DHX34: variants seen among roughly 807,000 people sequenced by gnomAD.
The protein encoded by DHX34 is probable ATP-dependent RNA helicase DHX34.
In DHX34, 96 loss-of-function variants were observed where a neutral mutation model predicts 111.1. The ratio of observed to expected loss-of-function variants is 0.86; its 90% confidence interval spans 0.73 to 1.02. DHX34 has a LOEUF of 1.02. Ranked by LOEUF, DHX34 falls within the 50% of genes least tolerant of loss-of-function variation. The pLI is 0.00. For missense variants in DHX34, 1,560 were observed against 1,579.9 expected, an observed-to-expected ratio of 0.99 and a Z score of 0.21; for synonymous variants, 688 against 670.4, an observed-to-expected ratio of 1.03 and a Z score of -0.41.
chr19:47,358,260 C>G, intron 4 of DHX34, 140 bp downstream of exon 4: 2 of 1,429,388 alleles, frequency 1.4e-6, no homozygotes, highest in Non-Finnish European at 1.8e-6. Context: ...GTGGCAGAGC[C>G]AGGCTGCGAA....
At chr19:47,372,955 C>A in intron 8 of DHX34, 32 bp downstream of exon 8, 1 of 1,370,710 alleles carries the variant, frequency 7.3e-7, no homozygotes, top group South Asian at 1.3e-5. Context: ...CTCTGTCTGT[C>A]ACCCTGCTCA....
At chr19:47,349,731 T>G (rs1599747257) in intron 1 of DHX34, among the ~76,000 whole-genome samples, 1 of 151,664 alleles carries the variant, frequency 6.6e-6, no homozygotes, top group East Asian at 1.9e-4. Context: ...GCCCATGAAC[T>G]TGGGGAGTGG....
intron 7 of DHX34, among the ~76,000 whole-genome samples, chr19:47,371,550 G>T (rs1261773932): frequency 6.6e-6 from 1 of 152,186 alleles, no homozygotes; most frequent in African/African-American, 2.4e-5. Context: ...GCACAGTACA[G>T]CCCCAAGCCC....
intron 5 of DHX34, among the ~76,000 whole-genome samples, chr19:47,362,002 A>G (rs951837549): frequency 6.6e-6 from 1 of 151,794 alleles, no homozygotes; most frequent in South Asian, 2.1e-4. Flanking sequence ...TGTGAGTGAA[A>G]GGCTGGGTGC....
chr19:47,375,598 G>GGGCGCA lies in DHX34; in HGVS notation c.2204_2209dup (p.Arg735_Arg736dup). 1.9e-6 allele frequency: 3 copies of GGGCGCA among 1,547,132 alleles called. No homozygotes were observed. The highest frequency in any genetic ancestry group is 2.6e-6 in the Non-Finnish European group (3 of 1,149,490). ...GAAACGCCAGCACGAGGAGGGCGCG[G>GGGCGCA]GGCGCAGGCGCAAGGTGCTGCGGCT... On this transcript the variant is annotated inframe_insertion, in exon 10 of 17. Transcript: ENST00000328771.
At position 47,379,680 on chromosome 19, in the gene DHX34, A is replaced by C. The variant is rs1439208500; in HGVS notation, c.2707-30A>C. ...CAATAGCGCCCTGCCCCTCCCACCTACTCCCTGTCTTCTGCCCCCTCTCTT... is the reference window on the plus strand; with the variant it reads ...CAATAGCGCCCTGCCCCTCCCACCTCCTCCCTGTCTTCTGCCCCCTCTCTT... On this transcript the variant is annotated intron_variant, in intron 13 of 16. Transcript: ENST00000328771. 3.2e-6 allele frequency: 5 copies of C among 1,570,344 alleles called. No individual in the cohort carries two copies. The Admixed American group carries it at 8.5e-5, about 27-fold the overall frequency.
rs1408739475 is a variant in DHX34 at position 47,372,914 on chromosome 19, C to G, written c.1953C>G (p.Ala651=). The change falls in exon 8 of 17, where the codon GCC becomes GCG. Residue 651 remains alanine (A), a synonymous_variant. Transcript: ENST00000328771. ...TCACGCTCTTCAACGTCTTCAACGCCTGGGTGCAGGTGAGGCTGGTGGTGG... is the reference window on the plus strand; with the variant it reads ...TCACGCTCTTCAACGTCTTCAACGCGTGGGTGCAGGTGAGGCTGGTGGTGG... ...DPFTLFNVFN[A]WVQVKSERSR... The G allele has an allele frequency of 1.9e-6, 3 of 1,599,552 alleles. No individual in the cohort carries two copies. The highest frequency in any genetic ancestry group is 1.3e-5 in the African/African-American group (1 of 74,800).
chr19:47,381,436 C>T (rs1422988600), intron 16 of DHX34, 112 bp downstream of exon 16: 1 of 1,435,380 alleles, frequency 7.0e-7, no homozygotes, highest in Non-Finnish European at 9.3e-7. Context: ...TGACGACCTC[C>T]ACCCGCTGGC....
At chr19:47,377,844 C>T (rs1249733940) in intron 13 of DHX34, among the ~76,000 whole-genome samples, 5 of 151,824 alleles carry the variant, frequency 3.3e-5, no homozygotes, top group South Asian at 4.1e-4. Context: ...AGGCTGAGGC[C>T]GAACTCAGAT....
At chr19:47,373,461 G>C (rs1970032862) in intron 8 of DHX34, 138 bp from the exon 9 acceptor site, 2 of 1,450,016 alleles carry the variant, frequency 1.4e-6, no homozygotes, top group Non-Finnish European at 1.8e-6. Flanking sequence ...ATAGGAGGGG[G>C]CACTGGGGCT....
chr19:47,355,746 G>T (rs147148453), intron 3 of DHX34, among the ~76,000 whole-genome samples: 182 of 152,194 alleles, frequency 1.2e-3, no homozygotes, highest in African/African-American at 4.1e-3. Context: ...CAGCTACTCG[G>T]GAGGCTGAGG....
chr19:47,366,650 G>A (rs1308636272), intron 6 of DHX34, among the ~76,000 whole-genome samples: 2 of 151,872 alleles, frequency 1.3e-5, no homozygotes, highest in African/African-American at 2.4e-5. Context: ...GCGCGATCTC[G>A]GCTTACTGCG....
intron 7 of DHX34, among the ~76,000 whole-genome samples, chr19:47,369,221 C>T (rs1969894504): frequency 1.3e-5 from 2 of 152,154 alleles, no homozygotes; most frequent in Admixed American, 6.6e-5. Context: ...CCATGTTGGT[C>T]AGGCTGATCT....
intron 7 of DHX34, among the ~76,000 whole-genome samples, chr19:47,369,244 C>T (rs1969894941): frequency 6.6e-6 from 1 of 152,018 alleles, no homozygotes; most frequent in Non-Finnish European, 1.5e-5. Context: ...AACTACTGAC[C>T]TCAAGTGTTC....
At chr19:47,373,554 G>T (rs765330591) in intron 8 of DHX34, 45 bp from the exon 9 acceptor site, 1 of 1,594,420 alleles carries the variant, frequency 6.3e-7, no homozygotes, top group Non-Finnish European at 8.5e-7. Context: ...CTCCCTCCCC[G>T]CACTGGCCAG....
rs141007606 is a variant in DHX34 at position 47,362,562 on chromosome 19, C to T, written c.1462C>T (p.Arg488Trp). 5.6e-5 allele frequency: 90 copies of T among 1,613,092 alleles called. No homozygotes were observed. In the African/African-American group the frequency reaches 9.3e-4, roughly 17 times the overall value. ...FWISQASAEQ[R>W]KGRAGRTGPG... Reference sequence around the variant, plus strand: ...GATTAGTCAGGCCAGCGCAGAGCAGCGGAAGGGCCGGGCGGGCCGCACGGG... The same window carrying T: ...GATTAGTCAGGCCAGCGCAGAGCAGTGGAAGGGCCGGGCGGGCCGCACGGG... The change falls in exon 6 of 17, where the codon CGG (arginine) becomes TGG (tryptophan). Residue 488 changes from arginine to tryptophan, a missense_variant. Transcript: ENST00000328771.
rs1454793745 is a variant in DHX34 at position 47,352,965 on chromosome 19, T to TG, written c.-62dup. ...CACTGGCCTCTTAAATTGTTGCAGGTGGGGAATGGATGAGAATATTTGTTT... is the reference window on the plus strand; with the variant it reads ...CACTGGCCTCTTAAATTGTTGCAGGTGGGGGAATGGATGAGAATATTTGTTT... On this transcript the variant is annotated 5_prime_UTR_variant, in exon 2 of 17. Coordinates refer to ENST00000328771, the MANE Select transcript of DHX34 (RefSeq NM_014681.6). 6.6e-7 allele frequency: 1 copy of TG among 1,522,314 alleles called. No individual in the cohort carries two copies. The highest frequency in any genetic ancestry group is 2.3e-5 in the East Asian group (1 of 43,138). The allele number at this position is 1,522,314 out of a possible 1,614,324, so 94.3% of individuals were successfully genotyped here. A position where few individuals can be genotyped will look rare whatever the true frequency, so the allele number is the denominator to read the frequency against.
At chr19:47,374,352 G>C (rs1156314491) in intron 9 of DHX34, among the ~76,000 whole-genome samples, 5 of 148,200 alleles carry the variant, frequency 3.4e-5, no homozygotes, top group Non-Finnish European at 7.4e-5. Flanking sequence ...CAGGAGAGTC[G>C]TTTGAACCCA....
intron 5 of DHX34, among the ~76,000 whole-genome samples, chr19:47,361,465 A>AAG (rs940196432): frequency 6.6e-6 from 1 of 151,370 alleles, no homozygotes; most frequent in Non-Finnish European, 1.5e-5. Flanking sequence ...TTAAAAAAAA[A>AAG]AGAGAGAGAG....
Sources: allele counts gnomAD v4.1 joint callset (sites outside exome capture counted in the v4.1 genomes callset), GRCh38; gene constraint gnomAD v4.1.1; transcripts MANE v1.5; gene names NCBI Gene and HGNC (gene_info 2026-07-23, HGNC 2026-07-21).